Variants in SUGCT observed in about 807,000 individuals in gnomAD.
SUGCT encodes succinyl-CoA:glutarate-CoA transferase.
A neutral mutation model predicts 55.0 loss-of-function variants in SUGCT; 41 were observed. The observed-to-expected ratio is 0.74, with a 90% CI of 0.58 to 0.97. The LOEUF (loss-of-function observed/expected upper bound fraction) is 0.97. Among genes scored for constraint, SUGCT ranks in the 50% least tolerant of loss-of-function variants. The pLI, the probability that SUGCT is intolerant of heterozygous loss-of-function variation, is 0.00. For synonymous variants in SUGCT, 187 were observed against 200.4 expected (o/e 0.93, Z 0.56); for missense variants, 568 against 547.8 (o/e 1.04, Z -0.37).
chr7:40,853,587 A>C (rs569851012), intron 13 of SUGCT, among the ~76,000 whole-genome samples: 2 of 152,104 alleles, frequency 1.3e-5, no homozygotes, highest in African/African-American at 2.4e-5. Context: ...CTGGTCTCGA[A>C]CTCCTGAGCT....
intron 12 of SUGCT, among the ~76,000 whole-genome samples, chr7:40,677,152 A>G (rs1784035155): frequency 6.6e-6 from 1 of 152,194 alleles, no homozygotes. Flanking sequence ...TCACCACTGC[A>G]TAATAAAGGT....
chr7:40,703,744 A>G (rs1785270716), intron 12 of SUGCT, among the ~76,000 whole-genome samples: 1 of 152,366 alleles, frequency 6.6e-6, no homozygotes, highest in East Asian at 1.9e-4. Context: ...AACATGGGCT[A>G]TCTCTGCCTT....
intron 7 of SUGCT, among the ~76,000 whole-genome samples, chr7:40,246,744 A>C (rs1166896696): frequency 6.6e-6 from 1 of 151,846 alleles, no homozygotes; most frequent in African/African-American, 2.4e-5. Flanking sequence ...TTGCAGGCAC[A>C]CGCCACCATG....
intron 9 of SUGCT, among the ~76,000 whole-genome samples, chr7:40,439,061 G>T (rs866903810): frequency 1.9e-5 from 1 of 51,870 alleles, no homozygotes; most frequent in Admixed American, 2.5e-4. Flanking sequence ...GTATATATAT[G>T]GTGTATATAT....
chr7:40,848,468 G>A (rs994014681), intron 13 of SUGCT, among the ~76,000 whole-genome samples: 6 of 152,124 alleles, frequency 3.9e-5, no homozygotes, highest in Non-Finnish European at 8.8e-5. Flanking sequence ...AAACCTCCAT[G>A]ATTGAGACTT....
chr7:40,254,680 C>T (rs553617767), intron 7 of SUGCT, among the ~76,000 whole-genome samples: 1 of 151,804 alleles, frequency 6.6e-6, no homozygotes. Context: ...CAGGTGTCAG[C>T]CACCGCACCC....
At chr7:40,206,800 C>T (rs530326602) in intron 6 of SUGCT, among the ~76,000 whole-genome samples, 1 of 152,294 alleles carries the variant, frequency 6.6e-6, no homozygotes, top group South Asian at 2.1e-4. Context: ...TGTACATCTT[C>T]AGCACGGATG....
intron 13 of SUGCT, among the ~76,000 whole-genome samples, chr7:40,780,101 T>G (rs550041046): frequency 2.8e-4 from 43 of 152,216 alleles, no homozygotes; most frequent in Non-Finnish European, 4.9e-4. Context: ...GGTCATCTGT[T>G]GCCCTCCTTT....
At chr7:40,898,498 T>A in the SUGCT span, among the ~76,000 whole-genome samples, 2 of 29,682 alleles carry the variant, frequency 6.7e-5, no homozygotes, top group Non-Finnish European at 8.2e-5. Flanking sequence ...GGGGGGGGGG[T>A]GGATCACGAG....
intron 12 of SUGCT, chr7:40,683,959 G>A (rs756453620): frequency 1.3e-6 from 2 of 1,529,096 alleles, no homozygotes; most frequent in Non-Finnish European, 1.8e-6. Flanking sequence ...GGTTTTGGGG[G>A]AAAAGCCATT....
chr7:40,645,456 G>T (rs1255534478), intron 12 of SUGCT, among the ~76,000 whole-genome samples: 1 of 152,266 alleles, frequency 6.6e-6, no homozygotes, highest in East Asian at 1.9e-4. Context: ...GTACTCCTCA[G>T]TTCACACCAC....
chr7:40,901,337 T>C, the SUGCT span, among the ~76,000 whole-genome samples: 1 of 152,228 alleles, frequency 6.6e-6, no homozygotes, highest in Non-Finnish European at 1.5e-5. Context: ...CTTTGATCAC[T>C]TCCTTGGCCA....
the SUGCT span, among the ~76,000 whole-genome samples, chr7:40,957,775 T>C: frequency 6.6e-6 from 1 of 152,180 alleles, no homozygotes; most frequent in Non-Finnish European, 1.5e-5. Context: ...CTTTACATTT[T>C]TGTATGTTGT....
At chr7:40,708,408 A>G (rs1425012644) in intron 12 of SUGCT, among the ~76,000 whole-genome samples, 11 of 152,202 alleles carry the variant, frequency 7.2e-5, no homozygotes, top group Admixed American at 2.6e-4. Context: ...GAATAGGTCA[A>G]TAAACTTTTC....
chr7:40,774,075 A>G (rs1431515857), intron 13 of SUGCT, among the ~76,000 whole-genome samples: 2 of 152,188 alleles, frequency 1.3e-5, no homozygotes, highest in African/African-American at 2.4e-5. Flanking sequence ...TCCGAATTCA[A>G]CCCAAAGCTT....
At chr7:40,183,543 T>A (rs1284026247) in intron 3 of SUGCT, among the ~76,000 whole-genome samples, 3 of 152,016 alleles carry the variant, frequency 2.0e-5, no homozygotes, top group Non-Finnish European at 4.4e-5. Flanking sequence ...AGAGACAGGG[T>A]CTTGCTATGT....
intron 9 of SUGCT, among the ~76,000 whole-genome samples, chr7:40,380,876 G>C (rs995824405): frequency 2.0e-5 from 3 of 152,024 alleles, no homozygotes; most frequent in African/African-American, 7.2e-5. Context: ...CCTGTTTACT[G>C]TCTTTTTTTG....
intron 12 of SUGCT, among the ~76,000 whole-genome samples, chr7:40,574,323 C>T (rs1421614550): frequency 3.3e-5 from 5 of 152,198 alleles, no homozygotes; most frequent in African/African-American, 1.2e-4. Context: ...CCTTATAAAA[C>T]AAACCCCTAC....
chr7:40,263,432 G>A (rs1253544602), intron 7 of SUGCT, among the ~76,000 whole-genome samples: 6 of 152,174 alleles, frequency 3.9e-5, no homozygotes, highest in Non-Finnish European at 8.8e-5. Context: ...GAAGCCCTGA[G>A]GAAGGCATTT....
Sources: gnomAD v4.1 joint callset for allele counts (sites outside exome capture counted in the v4.1 genomes callset) on GRCh38, gnomAD v4.1.1 for gene constraint, MANE v1.5 for transcripts, NCBI Gene and HGNC (gene_info 2026-07-23, HGNC 2026-07-21) for gene names.